LRRC53: variants seen among roughly 807,000 people sequenced by gnomAD.
LRRC53 encodes the protein leucine rich repeat containing 53, also known as leucine-rich repeat-containing protein 53.
LRRC53 carries 25 observed loss-of-function variants against 13.6 expected under a neutral mutation model. The ratio of observed to expected loss-of-function variants is 1.83; its 90% CI spans 1.34 to 2.56. The LOEUF (loss-of-function observed/expected upper bound fraction) is 2.56. Among genes scored for constraint, LRRC53 ranks in the 30% most tolerant of loss-of-function variants. The pLI is 0.00. For missense variants in LRRC53, 527 were observed against 275.8 expected (o/e 1.91, Z -6.45); for synonymous variants, 204 against 109.8 (o/e 1.86, Z -5.37).
At chr1:74,474,180 A>G (rs1668071547) in intron 4 of LRRC53, among the ~76,000 whole-genome samples, 1 of 152,190 alleles carries the variant, frequency 6.6e-6, no homozygotes, top group Admixed American at 6.6e-5. Flanking sequence ...TTTCCCACAG[A>G]GAAGTTCAGG....
intron 1 of LRRC53, chr1:74,489,111 A>C (rs867309470): frequency 1.7e-6 from 2 of 1,199,656 alleles, no homozygotes; most frequent in Middle Eastern, 2.7e-4. Flanking sequence ...TACAAATGCT[A>C]ATACCCAATT....
upstream of LRRC53, among the ~76,000 whole-genome samples, chr1:74,517,100 G>T (rs116840181): frequency 7.0e-3 from 1,066 of 152,120 alleles, 10 homozygotes; most frequent in African/African-American, 0.023. Context: ...CCCCTATTTT[G>T]GTAGATGCTG....
At chr1:74,525,283 G>A in the LRRC53 span, among the ~76,000 whole-genome samples, 13 of 152,304 alleles carry the variant, frequency 8.5e-5, no homozygotes, top group East Asian at 7.7e-4. Flanking sequence ...AGCGCTTTGC[G>A]TGTATACCAT....
chr1:74,506,224 CT>C, intron 1 of LRRC53, among the ~76,000 whole-genome samples: 1 of 152,300 alleles, frequency 6.6e-6, no homozygotes, highest in Admixed American at 6.5e-5. Flanking sequence ...AACATAGACA[CT>C]TAGTATGTTC....
chr1:74,487,239 G>A (rs189065923), intron 1 of LRRC53, among the ~76,000 whole-genome samples: 3 of 152,248 alleles, frequency 2.0e-5, no homozygotes, highest in African/African-American at 7.2e-5. Flanking sequence ...AATTATTGCT[G>A]GAGCACACAA....
chr1:74,528,055 G>A, the LRRC53 span, among the ~76,000 whole-genome samples: 2 of 152,156 alleles, frequency 1.3e-5, no homozygotes, highest in African/African-American at 2.4e-5. Context: ...GATCAGAATC[G>A]AAGCCCAGGA....
At chr1:74,517,817 T>A in the LRRC53 span, among the ~76,000 whole-genome samples, 1 of 152,170 alleles carries the variant, frequency 6.6e-6, no homozygotes, top group Non-Finnish European at 1.5e-5. Flanking sequence ...GGAAGATTTT[T>A]TAAGGCAAAA....
In LRRC53 at chr1:74,469,764, G is replaced by A. The variant is rs949292417; in HGVS notation, c.*114C>T. 50 of 396,782 alleles carry A rather than the reference G, an allele frequency of 1.3e-4. No homozygotes were observed. Among genetic ancestry groups the A allele is most frequent in the African/African-American group, 1.0e-3 (49 of 48,598 alleles). 24.6% of individuals were successfully genotyped at this position (396,782 alleles called of 1,614,324 possible). ...TTGATAACAAAGAGTTACTGAGGACGTTGTTGTCCTCCAAAATGATCCACT... is the reference window on the plus strand; with the variant it reads ...TTGATAACAAAGAGTTACTGAGGACATTGTTGTCCTCCAAAATGATCCACT... On this transcript the variant is annotated 3_prime_UTR_variant, in exon 5 of 5. Transcript: ENST00000294635.
At position 74,477,168 on chromosome 1, in the gene LRRC53, T is replaced by C. The variant is rs573225957; in HGVS notation, c.905-1358A>G. ...ATTTTGGTTTTAAAATGTTAAAGAA[T>C]ATATTAAAAAATTAAAAATTAGAAC... On this transcript the variant is annotated intron_variant, in intron 3 of 4. Transcript: ENST00000294635. Among the ~76,000 whole-genome samples, 7 of 152,230 alleles carry C rather than the reference T, an allele frequency of 4.6e-5. No homozygotes were observed. In the South Asian group the frequency reaches 1.2e-3, roughly 27 times the overall value.
At chr1:74,474,697 G>A (rs941224174) in intron 4 of LRRC53, among the ~76,000 whole-genome samples, 10 of 152,100 alleles carry the variant, frequency 6.6e-5, no homozygotes, top group Admixed American at 3.3e-4. Context: ...TATTGACATC[G>A]CCCATGTACA....
the LRRC53 span, among the ~76,000 whole-genome samples, chr1:74,523,341 AT>A: frequency 6.6e-6 from 1 of 152,168 alleles, no homozygotes; most frequent in Non-Finnish European, 1.5e-5. Context: ...TGAGCATGAT[AT>A]TTGTGTTTTT....
chr1:74,525,372 C>G, the LRRC53 span, among the ~76,000 whole-genome samples: 1 of 152,044 alleles, frequency 6.6e-6, no homozygotes, highest in Admixed American at 6.6e-5. Context: ...GAATGTGAGG[C>G]ACAGGAAGGT....
chr1:74,483,773 T>C (rs1448701410), intron 1 of LRRC53, among the ~76,000 whole-genome samples: 1 of 152,130 alleles, frequency 6.6e-6, no homozygotes, highest in Non-Finnish European at 1.5e-5. Context: ...AGCGGGTAGG[T>C]ATTTAACCAA....
intron 1 of LRRC53, among the ~76,000 whole-genome samples, chr1:74,495,239 G>A (rs1669269071): frequency 6.6e-6 from 1 of 152,206 alleles, no homozygotes; most frequent in Non-Finnish European, 1.5e-5. Context: ...TTCAAGGTCA[G>A]TTTGTTAGTA....
chr1:74,514,886 T>C (rs996001799), upstream of LRRC53, among the ~76,000 whole-genome samples: 1 of 152,110 alleles, frequency 6.6e-6, no homozygotes, highest in African/African-American at 2.4e-5. Flanking sequence ...GAGAAGTTCA[T>C]AGGAGTTTAT....
intron 1 of LRRC53, among the ~76,000 whole-genome samples, chr1:74,507,321 C>T (rs1669959344): frequency 1.3e-5 from 2 of 149,050 alleles, no homozygotes; most frequent in Admixed American, 6.8e-5. Flanking sequence ...GTCCTAAATA[C>T]CCTCAACTAG....
intron 1 of LRRC53, among the ~76,000 whole-genome samples, chr1:74,502,418 A>G (rs1669679570): frequency 6.6e-6 from 1 of 152,216 alleles, no homozygotes; most frequent in East Asian, 1.9e-4. Flanking sequence ...CAGAAACTCA[A>G]ATAATGTAAG....
chr1:74,478,353 G>T (rs1374220438), intron 3 of LRRC53, among the ~76,000 whole-genome samples: 1 of 152,030 alleles, frequency 6.6e-6, no homozygotes, highest in South Asian at 2.1e-4. Context: ...TGTATATTAA[G>T]CTCCCAGTCA....
At chr1:74,513,545 C>CT (rs572930637), upstream of LRRC53, among the ~76,000 whole-genome samples, 1 of 152,140 alleles carries the variant, frequency 6.6e-6, no homozygotes, top group Non-Finnish European at 1.5e-5. Context: ...CTTTGTCTTC[C>CT]TTTTTTTCTC....
Sources: gnomAD v4.1 joint callset for allele counts (sites outside exome capture counted in the v4.1 genomes callset) on GRCh38, gnomAD v4.1.1 for gene constraint, MANE v1.5 for transcripts, NCBI Gene and HGNC (gene_info 2026-07-23, HGNC 2026-07-21) for gene names.